Variants in EFCAB5 observed in about 807,000 individuals in gnomAD.
EFCAB5 encodes EF-hand calcium binding domain 5.
In EFCAB5, 131 loss-of-function variants were observed where a neutral mutation model predicts 167.9. The observed-to-expected ratio is 0.78, with a 90% confidence interval of 0.68 to 0.90. The LOEUF (loss-of-function observed/expected upper bound fraction) is 0.90. Among genes scored for constraint, EFCAB5 ranks in the 40% least tolerant of loss-of-function variants. EFCAB5 has a pLI of 0.00. For synonymous variants in EFCAB5, 574 were observed against 602.8 expected (o/e 0.95, Z 0.70); for missense variants, 1,663 against 1,745.2 (o/e 0.95, Z 0.84).
intron 14 of EFCAB5, among the ~76,000 whole-genome samples, chr17:30,066,119 G>A (rs540061489): frequency 5.9e-5 from 9 of 152,248 alleles, no homozygotes; most frequent in South Asian, 4.2e-4. Context: ...GATATTTATA[G>A]AACATTTTAT....
At chr17:30,086,525 C>G (rs993434815) in intron 18 of EFCAB5, among the ~76,000 whole-genome samples, 2 of 151,870 alleles carry the variant, frequency 1.3e-5, no homozygotes, top group African/African-American at 4.8e-5. Flanking sequence ...GTGGGTGGAT[C>G]ACCTGAGGTC....
intron 18 of EFCAB5, among the ~76,000 whole-genome samples, chr17:30,085,719 C>CAATA (rs2071076424): frequency 8.0e-6 from 1 of 125,474 alleles, no homozygotes; most frequent in Non-Finnish European, 1.7e-5. Flanking sequence ...GACTCCGTCT[C>CAATA]AAAAAAAAAA....
chr17:30,033,329 C>T (rs2069530553), intron 7 of EFCAB5, among the ~76,000 whole-genome samples: 8 of 152,018 alleles, frequency 5.3e-5, no homozygotes, highest in Admixed American at 4.6e-4. Flanking sequence ...CCGCCCGCCT[C>T]GGCCTCCCAA....
intron 14 of EFCAB5, among the ~76,000 whole-genome samples, chr17:30,066,993 A>G (rs1474353137): frequency 1.3e-5 from 2 of 152,208 alleles, no homozygotes; most frequent in East Asian, 3.8e-4. Context: ...ACCAATCACA[A>G]TTAACACGAT....
At chr17:30,092,409 C>T (rs868410892) in intron 21 of EFCAB5, among the ~76,000 whole-genome samples, 3 of 151,908 alleles carry the variant, frequency 2.0e-5, no homozygotes, top group South Asian at 2.1e-4. Context: ...TTTTTTGAGA[C>T]GGAGTTTCAC....
chr17:30,022,415 G>A (rs1283933899), intron 7 of EFCAB5, among the ~76,000 whole-genome samples: 1 of 152,020 alleles, frequency 6.6e-6, no homozygotes, highest in African/African-American at 2.4e-5. Flanking sequence ...ATGCAGGCAC[G>A]CACACAAGCA....
rs747901082 is a variant in EFCAB5, at chr17:30,051,133, C to T, written c.1216C>T (p.Arg406Trp). The change falls in exon 9 of 23, where the codon CGG (arginine) becomes TGG (tryptophan). Residue 406 changes from arginine to tryptophan, a missense_variant. Physicochemically the swap from Arg to Trp is moderately radical, Grantham distance 101. Transcript: ENST00000394835. ...CTTTGCTTAGGTAGGGTTTTTGGATCGGCAGAGGACATTGGCCCTGCTGGA... is the reference window on the plus strand; with the variant it reads ...CTTTGCTTAGGTAGGGTTTTTGGATTGGCAGAGGACATTGGCCCTGCTGGA... ...CDHGKVGFLD[R>W]QRTLALLELF... 1.5e-5 allele frequency: 24 copies of T among 1,613,666 alleles called. No homozygotes were observed. In the South Asian group the frequency reaches 1.8e-4, roughly 12 times the overall value.
At chr17:30,061,130 A>G (rs542559146) in intron 14 of EFCAB5, among the ~76,000 whole-genome samples, 23 of 152,336 alleles carry the variant, frequency 1.5e-4, no homozygotes, top group African/African-American at 5.5e-4. Flanking sequence ...AAGCCCAGCA[A>G]ATGAGAACCA....
chr17:29,986,349 T>C (rs2068281643), intron 4 of EFCAB5, among the ~76,000 whole-genome samples: 1 of 152,182 alleles, frequency 6.6e-6, no homozygotes, highest in Non-Finnish European at 1.5e-5. Flanking sequence ...TTCCAGATAA[T>C]AGGAACTCTT....
At chr17:30,091,834 C>G in intron 20 of EFCAB5, 37 bp from the exon 21 acceptor site, 1 of 1,603,246 alleles carries the variant, frequency 6.2e-7, no homozygotes, top group Non-Finnish European at 8.5e-7. Context: ...GTACATTAGA[C>G]TGAACAGCAA....
chr17:30,011,975 T>C lies in EFCAB5; in HGVS notation c.1044+11999T>C, dbSNP rs144004759. On this transcript the variant is annotated intron_variant, in intron 7 of 22. Transcript: ENST00000394835. The stretch of plus-strand genomic sequence containing the variant: ...CAATATTGTAATAATCCTCGCTCTA[T>C]AATCATAACCTAGGAAAAACCAGGC... Among the ~76,000 whole-genome samples the C allele has an allele frequency of 3.6e-3, 555 of 152,334 alleles. 4 individuals are homozygous for C. Among genetic ancestry groups the C allele is most frequent in the African/African-American group, 0.013 (533 of 41,570 alleles).
chr17:30,070,613 C>A (rs1418812647), intron 14 of EFCAB5, among the ~76,000 whole-genome samples: 1 of 152,000 alleles, frequency 6.6e-6, no homozygotes, highest in Non-Finnish European at 1.5e-5. Context: ...ACAAATAATG[C>A]TGGGGAAATT....
In EFCAB5 at chr17:30,050,756, A is replaced by T. The variant is rs570572179; in HGVS notation, c.1201-362A>T. ...TTTTCTATAATCAAAAAAATTTTTT[A>T]AAAATAACAATGGAAAAAGGACAAG... is the stretch of plus-strand genomic sequence containing the variant. On this transcript the variant is annotated intron_variant, in intron 8 of 22. Coordinates refer to ENST00000394835, the MANE Select transcript of EFCAB5 (RefSeq NM_198529.4). 7.9e-4 allele frequency among the ~76,000 whole-genome samples: 121 copies of T among 152,346 alleles called. 1 individual carries two copies. Among genetic ancestry groups the T allele is most frequent in the Middle Eastern group, 6.8e-3 (2 of 294 alleles).
rs2070157116 is a variant in EFCAB5 at position 30,053,406 on chromosome 17, A to G, written c.1452A>G (p.Leu484=). ...ANHASKTQSK[L]LESPDQPKLN... ...ATGCTAGCAAAACCCAAAGTAAATTATTAGAAAGTCCAGATCAACCTAAAC... is the reference window on the plus strand; with the variant it reads ...ATGCTAGCAAAACCCAAAGTAAATTGTTAGAAAGTCCAGATCAACCTAAAC... The change falls in exon 10 of 23, where the codon TTA becomes TTG. Residue 484 remains leucine (L), a synonymous_variant. Transcript: ENST00000394835. 1.2e-6 allele frequency: 2 copies of G among 1,614,056 alleles called. No individual in the cohort carries two copies. Among genetic ancestry groups the G allele is most frequent in the East Asian group, 2.2e-5 (1 of 44,888 alleles).
intron 8 of EFCAB5, among the ~76,000 whole-genome samples, chr17:30,036,603 A>G (rs2069637325): frequency 6.6e-6 from 1 of 151,574 alleles, no homozygotes; most frequent in South Asian, 2.1e-4. Context: ...CTAATTTTTA[A>G]ATTTTTTAGA....
intron 7 of EFCAB5, among the ~76,000 whole-genome samples, chr17:30,030,123 A>G (rs774623362): frequency 6.6e-6 from 1 of 152,232 alleles, no homozygotes; most frequent in Non-Finnish European, 1.5e-5. Context: ...TTCTGTTTTT[A>G]CAAGAGACAT....
intron 3 of EFCAB5, among the ~76,000 whole-genome samples, chr17:29,959,110 C>T (rs1003745300): frequency 6.6e-6 from 1 of 152,172 alleles, no homozygotes; most frequent in African/African-American, 2.4e-5. Flanking sequence ...GAAGCCGGCA[C>T]AGTACTGAGT....
intron 3 of EFCAB5, among the ~76,000 whole-genome samples, chr17:29,944,593 GTTGTTGTTTTT>G (rs1297121554): frequency 2.7e-4 from 39 of 145,434 alleles, no homozygotes; most frequent in Non-Finnish European, 4.4e-4. Flanking sequence ...TTTGGGTTTT[GTTGTTGTTTTT>G]TTGTTGTTTT....
intron 13 of EFCAB5, among the ~76,000 whole-genome samples, chr17:30,058,447 A>T (rs1471539300): frequency 6.6e-6 from 1 of 152,156 alleles, no homozygotes. Context: ...TTTCAACCTA[A>T]TTCTAGACAA....
Sources: gnomAD v4.1 joint callset for allele counts (sites outside exome capture counted in the v4.1 genomes callset) on GRCh38, gnomAD v4.1.1 for gene constraint, MANE v1.5 for transcripts, NCBI Gene and HGNC (gene_info 2026-07-23, HGNC 2026-07-21) for gene names.